Variants in CEP350 observed in about 807,000 individuals in gnomAD.
CEP350 encodes the protein centrosome-associated protein 350.
CEP350 carries 126 observed loss-of-function variants against 331.8 expected under a neutral mutation model. The observed-to-expected ratio is 0.38, with a 90% CI of 0.33 to 0.44. The LOEUF (loss-of-function observed/expected upper bound fraction) is 0.44. Ranked by LOEUF, CEP350 falls within the 20% of genes least tolerant of loss-of-function variation. The probability of loss-of-function intolerance (pLI) is 1.00; values close to 1 mark genes in which losing one functional copy is unlikely to be tolerated. For synonymous variants in CEP350, 1,200 were observed against 1,259.5 expected (o/e 0.95, Z 1.00); for missense variants, 3,406 against 3,634.6 (o/e 0.94, Z 1.62).
intron 14 of CEP350, among the ~76,000 whole-genome samples, chr1:180,025,705 A>G (rs1052019534): frequency 1.3e-5 from 2 of 152,136 alleles, no homozygotes; most frequent in East Asian, 3.9e-4. Flanking sequence ...CAATGCGAAC[A>G]CATGGACACG....
In CEP350 at chr1:180,024,401, T is replaced by G. The variant is rs1655531701; in HGVS notation, c.3387-18T>G. 1.3e-6 allele frequency: 2 copies of G among 1,593,640 alleles called. No individual in the cohort carries two copies. Among genetic ancestry groups the G allele is most frequent in the Admixed American group, 1.8e-5 (1 of 55,844 alleles). On this transcript the variant is annotated intron_variant, in intron 13 of 37. Transcript: ENST00000367607. ...AAGACTTTTCTTTCTGGAACTACTATTATTTATTCTTTGACAGTAGCACTT... is the reference window on the plus strand; with the variant it reads ...AAGACTTTTCTTTCTGGAACTACTAGTATTTATTCTTTGACAGTAGCACTT...
intron 19 of CEP350, 105 bp downstream of exon 19, chr1:180,041,907 G>T: frequency 9.2e-7 from 1 of 1,083,760 alleles, no homozygotes; most frequent in South Asian, 1.6e-5. Flanking sequence ...TGCATACTTT[G>T]AATTAGTGAC....
intron 19 of CEP350, 63 bp from the exon 20 acceptor site, chr1:180,042,993 C>T: frequency 6.5e-7 from 1 of 1,531,024 alleles, no homozygotes; most frequent in Non-Finnish European, 8.8e-7. Context: ...CACTATGCTC[C>T]TTCTCAGTTC....
rs1231303002 is a variant in CEP350 at position 180,114,484 on chromosome 1, G to GA, written c.*3329dup. ...TATCTTTGTATTATAAAAATGTGAAGAAAAAATGTAAACTGATGTAAAGGA... is the reference window on the plus strand; with the variant it reads ...TATCTTTGTATTATAAAAATGTGAAGAAAAAAATGTAAACTGATGTAAAGGA... On this transcript the variant is annotated 3_prime_UTR_variant, in exon 38 of 38. Transcript: ENST00000367607. The GA allele has an allele frequency of 2.6e-5, 4 of 152,562 alleles. No individual in the cohort carries two copies. The highest frequency in any genetic ancestry group is 4.4e-5 in the Non-Finnish European group (3 of 68,014). The allele number at this position is 152,562 out of a possible 1,614,324, so 9.5% of individuals were successfully genotyped here.
intron 37 of CEP350, among the ~76,000 whole-genome samples, chr1:180,102,651 C>T (rs1267468565): frequency 1.3e-5 from 2 of 152,006 alleles, no homozygotes; most frequent in African/African-American, 2.4e-5. Context: ...ATTGTTTCTG[C>T]ATCCTTTTCC....
intron 14 of CEP350, among the ~76,000 whole-genome samples, chr1:180,027,278 G>A (rs151176623): frequency 0.016 from 2,404 of 152,234 alleles, 76 homozygotes; most frequent in Admixed American, 0.086. Flanking sequence ...TAGGGTATGG[G>A]TATCTTTTTC....
chr1:180,054,069 ATACT>A (rs140839505), intron 24 of CEP350, 135 bp downstream of exon 24: 65,335 of 670,192 alleles, frequency 0.097, 3,870 homozygotes, highest in Middle Eastern at 0.12. Flanking sequence ...AACGGCAGTC[ATACT>A]TGATTTGTAT....
In CEP350 at chr1:180,078,610, G is replaced by T. The variant is rs566467775; in HGVS notation, c.5915G>T (p.Ser1972Ile). ...GQEQPGSPDH[S>I]ILTEEMICSQ... ...GAGCAGCCAGGGAGTCCAGATCACA[G>T]TATACTTACTGAAGAAATGATTTGT... Residue 1972 changes from serine (S) to isoleucine (I), a missense_variant, in exon 29 of 38, where the codon AGT (serine) becomes ATT (isoleucine). By Grantham distance (142) the Ser-to-Ile change is moderately radical (BLOSUM62 -2). Transcript: ENST00000367607. The T allele has an allele frequency of 6.8e-6, 11 of 1,612,978 alleles. No homozygotes were observed. In the East Asian group the frequency reaches 2.5e-4, roughly 36 times the overall value.
rs1650940246 is a variant in CEP350, at chr1:179,965,561, A to C, written c.-14+10419A>C. 3.3e-5 allele frequency among the ~76,000 whole-genome samples: 5 copies of C among 151,864 alleles called. No individual in the cohort carries two copies. In the South Asian group the frequency reaches 1.0e-3, roughly 31 times the overall value. ...AGAAGGATTTCAGAATAGCCAGCTA[A>C]ATGCCAGAAAGGTTTATTTTAATTG... is the stretch of plus-strand genomic sequence containing the variant. On this transcript the variant is annotated intron_variant, in intron 1 of 37. Coordinates refer to ENST00000367607, the MANE Select transcript of CEP350 (RefSeq NM_014810.5).
At position 179,992,066 on chromosome 1, in the gene CEP350, T is replaced by C; in HGVS notation, c.240T>C (p.Gly80=). The C allele has an allele frequency of 6.5e-7, 1 of 1,533,602 alleles. No individual in the cohort carries two copies. The highest frequency in any genetic ancestry group is 8.7e-7 in the Non-Finnish European group (1 of 1,145,036). 95.0% of individuals were successfully genotyped at this position (1,533,602 alleles called of 1,614,324 possible). A position where few individuals can be genotyped will look rare whatever the true frequency, so the allele number is the denominator to read the frequency against. The change falls in exon 5 of 38, where the codon GGT becomes GGC. Residue 80 remains glycine, a synonymous_variant. Coordinates refer to ENST00000367607, the MANE Select transcript of CEP350 (RefSeq NM_014810.5). Reference sequence around the variant, plus strand: ...ACAGATTTCCTTTTCCTTCAGATGGTAGATACCTGGATGATTCTTGGGTTA... The same window carrying C: ...ACAGATTTCCTTTTCCTTCAGATGGCAGATACCTGGATGATTCTTGGGTTA... ...SATRKISRKD[G]RYLDDSWVNA... is the part of the protein sequence containing the mutation.
chr1:180,053,706 A>G (rs1370858771), intron 23 of CEP350, 44 bp from the exon 24 acceptor site: 3 of 1,234,868 alleles, frequency 2.4e-6, no homozygotes, highest in South Asian at 2.0e-5. Flanking sequence ...TTAAGTACCA[A>G]AAGGTTAGAT....
At chr1:180,080,451 A>C in intron 29 of CEP350, 66 bp from the exon 30 acceptor site, 1 of 1,453,778 alleles carries the variant, frequency 6.9e-7, no homozygotes, top group Non-Finnish European at 9.5e-7. Context: ...CTAGTATGTC[A>C]AATTTTAAAT....
At chr1:179,968,952 C>T (rs918432095) in intron 1 of CEP350, 2 of 757,724 alleles carry the variant, frequency 2.6e-6, no homozygotes, top group African/African-American at 3.4e-5. Context: ...TTGCTGACTG[C>T]TTTACTCCTG....
chr1:180,043,923 T>C (rs528421628), intron 20 of CEP350, 128 bp from the exon 21 acceptor site: 5 of 776,432 alleles, frequency 6.4e-6, no homozygotes, highest in Non-Finnish European at 9.4e-6. Context: ...TATTCTTTAA[T>C]GTGTTGTAAG....
intron 12 of CEP350, among the ~76,000 whole-genome samples, chr1:180,022,332 TAG>T (rs759270381): frequency 5.3e-5 from 8 of 152,136 alleles, no homozygotes; most frequent in Middle Eastern, 3.2e-3. Context: ...CTGAAATATT[TAG>T]AGATGAAATG....
At chr1:179,964,860 TG>T (rs556143559) in intron 1 of CEP350, among the ~76,000 whole-genome samples, 302 of 152,046 alleles carry the variant, frequency 2.0e-3, no homozygotes, top group African/African-American at 6.8e-3. Context: ...ATGTTTTTTT[TG>T]TTGTTGTTTG....
intron 1 of CEP350, among the ~76,000 whole-genome samples, chr1:179,975,083 G>T (rs1651761443): frequency 6.6e-6 from 1 of 152,182 alleles, no homozygotes; most frequent in Non-Finnish European, 1.5e-5. Context: ...TTAAGAGCCA[G>T]TTTGGGAAAG....
rs1167172030 is a variant in CEP350 at position 180,020,424 on chromosome 1, GATA to G, written c.2653_2655del (p.Asn885del). 1 of 1,613,884 alleles carries G rather than the reference GATA, an allele frequency of 6.2e-7. No individual in the cohort carries two copies. The highest frequency in any genetic ancestry group is 2.2e-5 in the East Asian group (1 of 44,888). On this transcript the variant is annotated inframe_deletion, in exon 12 of 38. Transcript: ENST00000367607. ...GGCTGTAACTCCACCTGTGAAAGAT[GATA>G]ATGAAGATGTTTTCTCTGCCAGAAT...
chr1:180,111,272 AT>A lies in CEP350; in HGVS notation c.*113del. The A allele has an allele frequency of 7.8e-7, 1 of 1,281,586 alleles. No individual in the cohort carries two copies. The allele number at this position is 1,281,586 out of a possible 1,614,324, so 79.4% of individuals were successfully genotyped here. On this transcript the variant is annotated 3_prime_UTR_variant, in exon 38 of 38. Coordinates refer to ENST00000367607, the MANE Select transcript of CEP350 (RefSeq NM_014810.5). ...AAGAGTGCTTCTGGACCTTGTACTT[AT>A]TCTTAAAGACTACCAGTATGGAGTT...
Sources: gnomAD v4.1 joint callset for allele counts (sites outside exome capture counted in the v4.1 genomes callset) on GRCh38, gnomAD v4.1.1 for gene constraint, MANE v1.5 for transcripts, NCBI Gene and HGNC (gene_info 2026-07-23, HGNC 2026-07-21) for gene names.